Variants in SNX3 observed in about 807,000 individuals in gnomAD.
SNX3 encodes sorting nexin 3.
SNX3 carries 5 observed loss-of-function variants against 17.7 expected under a neutral mutation model. That is an observed-to-expected ratio of 0.28 (90% CI 0.15 to 0.59). The LOEUF is 0.59. Among genes scored for constraint, SNX3 ranks in the 20% least tolerant of loss-of-function variants. The pLI is 0.88. For missense variants in SNX3, 132 were observed against 206.8 expected (o/e 0.64, Z 2.22); for synonymous variants, 91 against 76.5 (o/e 1.19, Z -0.99).
At chr6:108,220,743 C>T (rs941339712) in intron 2 of SNX3, among the ~76,000 whole-genome samples, 4 of 151,942 alleles carry the variant, frequency 2.6e-5, no homozygotes, top group Non-Finnish European at 4.4e-5. Context: ...TTTGGGAGGC[C>T]GAGGAGGGCG....
chr6:108,260,186 G>T (rs767828006), intron 1 of SNX3, among the ~76,000 whole-genome samples: 3 of 152,194 alleles, frequency 2.0e-5, no homozygotes, highest in Non-Finnish European at 4.4e-5. Flanking sequence ...CCAAAATGCT[G>T]AAGTCAACCA....
intron 3 of SNX3, 91 bp from the exon 4 acceptor site, chr6:108,212,345 T>G: frequency 2.8e-6 from 1 of 353,922 alleles, no homozygotes; most frequent in Admixed American, 5.5e-5. Flanking sequence ...GCATGTATAA[T>G]TTTTTTTTTT....
rs200204827 is a variant in SNX3, at chr6:108,216,558, CTTACT to C, written c.259-1941_259-1937del. Among the ~76,000 whole-genome samples the C allele has an allele frequency of 7.3e-3, 1,116 of 152,236 alleles. 14 individuals are homozygous for C. Among genetic ancestry groups the C allele is most frequent in the African/African-American group, 0.024 (1,017 of 41,534 alleles). The stretch of plus-strand genomic sequence containing the variant: ...AAATGACCAACCACTTAGCTGGATC[CTTACT>C]TTAAACGCAAACAGAGAAATGTGTA... On this transcript the variant is annotated intron_variant, in intron 2 of 3. Coordinates refer to ENST00000230085, the MANE Select transcript of SNX3 (RefSeq NM_003795.6).
intron 1 of SNX3, among the ~76,000 whole-genome samples, chr6:108,255,050 C>T (rs1775989751): frequency 6.6e-6 from 1 of 152,178 alleles, no homozygotes; most frequent in East Asian, 1.9e-4. Flanking sequence ...CAGTGCTTTG[C>T]ACATAAAAGA....
chr6:108,258,395 T>A (rs1171077920), intron 1 of SNX3, among the ~76,000 whole-genome samples: 5 of 151,658 alleles, frequency 3.3e-5, no homozygotes, highest in Admixed American at 3.3e-4. Context: ...GAGGCGGAGG[T>A]TGCTGTGAGC....
At chr6:108,248,263 G>A (rs1449663167) in intron 1 of SNX3, among the ~76,000 whole-genome samples, 1 of 152,180 alleles carries the variant, frequency 6.6e-6, no homozygotes, top group African/African-American at 2.4e-5. Context: ...CAGTTTGGAA[G>A]CTTCCAAAGG....
intron 2 of SNX3, among the ~76,000 whole-genome samples, chr6:108,220,456 T>C (rs145715355): frequency 4.5e-4 from 69 of 152,314 alleles, no homozygotes; most frequent in African/African-American, 1.6e-3. Flanking sequence ...TACAACTGCC[T>C]GTAGTATTAA....
intron 1 of SNX3, among the ~76,000 whole-genome samples, chr6:108,245,285 T>C (rs1321414571): frequency 6.6e-6 from 1 of 152,242 alleles, no homozygotes; most frequent in African/African-American, 2.4e-5. Flanking sequence ...GCAAAGGACA[T>C]GAACTCGTTC....
At chr6:108,256,569 G>A (rs1776038462) in intron 1 of SNX3, among the ~76,000 whole-genome samples, 1 of 152,190 alleles carries the variant, frequency 6.6e-6, no homozygotes, top group Non-Finnish European at 1.5e-5. Context: ...AGGGGAAGTG[G>A]AGCTTTGATT....
At chr6:108,244,319 C>T (rs914755572) in intron 1 of SNX3, among the ~76,000 whole-genome samples, 2 of 152,046 alleles carry the variant, frequency 1.3e-5, no homozygotes, top group African/African-American at 4.8e-5. Flanking sequence ...CCATACCTAG[C>T]TAATTTTTAT....
Position 108,246,944 on chromosome 6 carries a change from T to C in SNX3, c.162+13816A>G, listed in dbSNP as rs553869590. Among the ~76,000 whole-genome samples, 36 of 152,282 alleles carry C rather than the reference T, an allele frequency of 2.4e-4. No homozygotes were observed. In the East Asian group the frequency reaches 5.4e-3, roughly 23 times the overall value. The stretch of plus-strand genomic sequence containing the variant: ...AAAAGAGCAGGTAGACTTTCTTAGC[T>C]ATATCATAAAGCATGGTCAGGATGT... On this transcript the variant is annotated intron_variant, in intron 1 of 3. Coordinates refer to ENST00000230085, the MANE Select transcript of SNX3 (RefSeq NM_003795.6).
chr6:108,236,361 C>T (rs1213297404), intron 1 of SNX3, among the ~76,000 whole-genome samples: 1 of 144,972 alleles, frequency 6.9e-6, no homozygotes, highest in East Asian at 2.0e-4. Context: ...ACAGTTTCCA[C>T]CTATATTATT....
At chr6:108,219,090 G>A (rs746372768) in intron 2 of SNX3, among the ~76,000 whole-genome samples, 1 of 152,192 alleles carries the variant, frequency 6.6e-6, no homozygotes, top group Non-Finnish European at 1.5e-5. Context: ...GGTGGCTCAC[G>A]CCTGTAATCC....
chr6:108,257,299 C>A (rs73511862), intron 1 of SNX3, among the ~76,000 whole-genome samples: 2,636 of 152,062 alleles, frequency 0.017, 87 homozygotes, highest in African/African-American at 0.06. Context: ...GGGGGAGGGC[C>A]ACTTGAGGCC....
chr6:108,247,069 T>C (rs957331259), intron 1 of SNX3, among the ~76,000 whole-genome samples: 2 of 152,206 alleles, frequency 1.3e-5, no homozygotes, highest in Admixed American at 6.5e-5. Flanking sequence ...AGTTCCCCTA[T>C]GCTCTTCTCG....
intron 2 of SNX3, among the ~76,000 whole-genome samples, chr6:108,222,536 C>T (rs1774826111): frequency 6.6e-6 from 1 of 152,138 alleles, no homozygotes; most frequent in African/African-American, 2.4e-5. Flanking sequence ...TATGAAACTT[C>T]TGTTACATGA....
chr6:108,259,649 T>G (rs1465313619), intron 1 of SNX3, among the ~76,000 whole-genome samples: 2 of 152,256 alleles, frequency 1.3e-5, no homozygotes, highest in Admixed American at 6.5e-5. Context: ...TACGTAAGAA[T>G]CATTTTTTAA....
intron 2 of SNX3, among the ~76,000 whole-genome samples, chr6:108,221,713 T>G (rs1350413234): frequency 1.3e-5 from 2 of 151,550 alleles, no homozygotes; most frequent in African/African-American, 4.8e-5. Flanking sequence ...GCCTGGCTAA[T>G]TTTTGTATTT....
At chr6:108,259,524 G>A (rs1360711096) in intron 1 of SNX3, among the ~76,000 whole-genome samples, 1 of 152,172 alleles carries the variant, frequency 6.6e-6, no homozygotes, top group African/African-American at 2.4e-5. Flanking sequence ...GAGCCACCGC[G>A]CCCGGCCTAT....
Sources: allele counts gnomAD v4.1 joint callset (sites outside exome capture counted in the v4.1 genomes callset), GRCh38; gene constraint gnomAD v4.1.1; transcripts MANE v1.5; gene names NCBI Gene and HGNC (gene_info 2026-07-23, HGNC 2026-07-21).